VPS35: variants seen among roughly 807,000 people sequenced by gnomAD.
The protein encoded by VPS35 is VPS35 retromer complex component.
In VPS35, 21 loss-of-function variants were observed where a neutral mutation model predicts 98.1. That is an observed-to-expected ratio of 0.21 (90% confidence interval 0.15 to 0.31). The LOEUF is 0.31. VPS35 is among the 10% of genes least tolerant of loss of function. VPS35 has a pLI of 1.00. For synonymous variants in VPS35, 268 were observed against 318.2 expected (o/e 0.84, Z 1.68); for missense variants, 554 against 950.8 (o/e 0.58, Z 5.49).
intron 2 of VPS35, 54 bp downstream of exon 2, chr16:46,683,454 G>A: frequency 2.6e-6 from 4 of 1,519,916 alleles, no homozygotes; most frequent in South Asian, 1.1e-5. Context: ...CACTGCACAT[G>A]CTTCCTTAGG....
intron 12 of VPS35, 137 bp from the exon 13 acceptor site, chr16:46,669,189 C>T: frequency 9.0e-7 from 1 of 1,114,240 alleles, no homozygotes; most frequent in South Asian, 1.3e-5. Flanking sequence ...AGGCAATTTA[C>T]ATATTTCTTA....
chr16:46,688,472 G>C (rs2143009743), intron 1 of VPS35: 10 of 987,248 alleles, frequency 1.0e-5, no homozygotes, highest in South Asian at 4.7e-5. Context: ...CGAGACAAAA[G>C]AGGCAAGGTG....
At chr16:46,660,966 G>A (rs1596708903) in intron 16 of VPS35, 3 of 397,932 alleles carry the variant, frequency 7.5e-6, no homozygotes, top group East Asian at 1.3e-4. Context: ...GGCCAACATG[G>A]TGGAACCCCA....
intron 2 of VPS35, 145 bp from the exon 3 acceptor site, chr16:46,682,320 A>T: frequency 1.5e-6 from 1 of 680,114 alleles, no homozygotes; most frequent in African/African-American, 1.8e-5. Context: ...TTAAAAAAAC[A>T]ACTTAGATCG....
At chr16:46,680,390 T>C (rs1966216355) in intron 5 of VPS35, among the ~76,000 whole-genome samples, 1 of 152,268 alleles carries the variant, frequency 6.6e-6, no homozygotes, top group African/African-American at 2.4e-5. Context: ...AAAAAAGTTT[T>C]ATTTTCAAAG....
rs748396803 is a variant in VPS35, at chr16:46,671,835, G to T, written c.1394C>A (p.Ser465Tyr). Residue 465 changes from serine to tyrosine, a missense_variant, in exon 12 of 17, where the codon TCC (serine) becomes TAC (tyrosine). Physicochemically the swap from Ser to Tyr is moderately radical, Grantham distance 144. Around this residue, in one of 5 missense-constraint regions of VPS35, gnomAD observed 254 missense variants for 390.1 expected, o/e 0.65. Coordinates refer to ENST00000299138, the MANE Select transcript of VPS35 (RefSeq NM_018206.6). Reference sequence around the variant, plus strand: ...ATCTGGCTGATCTTGAATCAACGTGGATACCAAATTCATTATGGAATCCAC... The same window carrying T: ...ATCTGGCTGATCTTGAATCAACGTGTATACCAAATTCATTATGGAATCCAC... ...DQVDSIMNLV[S>Y]TLIQDQPDQP... 1 of 1,612,914 alleles carries T rather than the reference G, an allele frequency of 6.2e-7. No homozygotes were observed.
At chr16:46,669,848 A>G (rs1307022317) in intron 12 of VPS35, among the ~76,000 whole-genome samples, 1 of 152,210 alleles carries the variant, frequency 6.6e-6, no homozygotes. Context: ...CAAGTGACAC[A>G]TGTGAAGGCT....
intron 13 of VPS35, among the ~76,000 whole-genome samples, chr16:46,665,906 C>T (rs1377313514): frequency 6.6e-6 from 1 of 151,970 alleles, no homozygotes; most frequent in Non-Finnish European, 1.5e-5. Context: ...TCCTCCTGCC[C>T]TAGCCTCTTT....
rs1366925138 is a variant in VPS35, at chr16:46,676,853, G to A, written c.805-161C>T. ...TCTCTACTAAACATAAGCTCAGACA[G>A]AAATATTCCAATAAACAAAGTGCAC... On this transcript the variant is annotated intron_variant, in intron 7 of 16. Transcript: ENST00000299138. Among the ~76,000 whole-genome samples, 3 of 152,074 alleles carry A rather than the reference G, an allele frequency of 2.0e-5. No individual in the cohort carries two copies. The East Asian group carries it at 5.8e-4, about 29-fold the overall frequency.
At chr16:46,670,333 G>C (rs1039946511) in intron 12 of VPS35, among the ~76,000 whole-genome samples, 2 of 152,164 alleles carry the variant, frequency 1.3e-5, no homozygotes, top group African/African-American at 4.8e-5. Flanking sequence ...GCCCAGGCTG[G>C]AGTGCAATGG....
rs772459263 is a variant in VPS35, at chr16:46,676,656, G to C, written c.841C>G (p.Pro281Ala). 6.2e-7 allele frequency: 1 copy of C among 1,613,440 alleles called. No individual in the cohort carries two copies. Among genetic ancestry groups the C allele is most frequent in the Non-Finnish European group, 8.5e-7 (1 of 1,179,732 alleles). ...PDEFHLQTLN[P>A]FLRACAELHQ... Reference sequence around the variant, plus strand: ...AACTCAGCACAGGCCCGAAGAAAAGGATTCAAAGTCTGGAGGTGAAATTCA... The same window carrying C: ...AACTCAGCACAGGCCCGAAGAAAAGCATTCAAAGTCTGGAGGTGAAATTCA... Residue 281 changes from proline to alanine, a missense_variant, in exon 8 of 17, where the codon CCT becomes GCT. Transcript: ENST00000299138.
intron 2 of VPS35, chr16:46,682,521 T>A: frequency 3.5e-6 from 1 of 285,532 alleles, no homozygotes. Context: ...TGAAGGAAGA[T>A]ACTATCCTGA....
At chr16:46,677,459 T>G (rs772780863) in intron 6 of VPS35, 61 bp from the exon 7 acceptor site, 87 of 1,383,110 alleles carry the variant, frequency 6.3e-5, no homozygotes, top group Non-Finnish European at 8.8e-5. Flanking sequence ...AAGCTATTCC[T>G]CTAGTAACGC....
chr16:46,670,681 T>A (rs975245124), intron 12 of VPS35, among the ~76,000 whole-genome samples: 1 of 152,158 alleles, frequency 6.6e-6, no homozygotes, highest in Non-Finnish European at 1.5e-5. Context: ...GGCAATCAGT[T>A]AAAATACTTA....
chr16:46,670,257 T>C lies in VPS35; in HGVS notation c.1525-1205A>G, dbSNP rs766849263. ...CCCTATCATTAAAGATCTCCATACA[T>C]GGGAATAACCAATCAGCCACATGCA... On this transcript the variant is annotated intron_variant, in intron 12 of 16. Coordinates refer to ENST00000299138, the MANE Select transcript of VPS35 (RefSeq NM_018206.6). 3.9e-5 allele frequency among the ~76,000 whole-genome samples: 6 copies of C among 152,270 alleles called. No individual in the cohort carries two copies. The South Asian group carries it at 8.3e-4, about 21-fold the overall frequency.
At chr16:46,678,336 C>CA (rs751938421) in intron 6 of VPS35, among the ~76,000 whole-genome samples, 28 of 138,680 alleles carry the variant, frequency 2.0e-4, no homozygotes, top group Non-Finnish European at 4.2e-4. Context: ...AAAAAAAAAG[C>CA]AAAAAATCTC....
Position 46,677,327 on chromosome 16 carries a change from C to T in VPS35, c.792G>A (p.Glu264=). 3.1e-6 allele frequency: 5 copies of T among 1,613,626 alleles called. No homozygotes were observed. The highest frequency in any genetic ancestry group is 4.2e-6 in the Non-Finnish European group (5 of 1,179,618). The change falls in exon 7 of 17, where the codon GAG becomes GAA. Residue 264 remains glutamate, a synonymous_variant. Coordinates refer to ENST00000299138, the MANE Select transcript of VPS35 (RefSeq NM_018206.6). ...RDALAQEYLM[E]CIIQVFPDEF... ...TGTTCCCAGCTACCTGAATAATACACTCCATGAGATATTCTTGAGCCAAAG... is the reference window on the plus strand; with the variant it reads ...TGTTCCCAGCTACCTGAATAATACATTCCATGAGATATTCTTGAGCCAAAG...
At chr16:46,676,526 T>C in intron 8 of VPS35, 57 bp downstream of exon 8, 1 of 1,091,314 alleles carries the variant, frequency 9.2e-7, no homozygotes, top group East Asian at 2.4e-5. Context: ...AAAAAAATGT[T>C]TAAAATTCAT....
In VPS35 at chr16:46,658,500, T is replaced by TTTC. The variant is rs1229308153; in HGVS notation, c.*1971_*1972insGAA. ...TTTTGTTGGTTTATTATTTTTAAAATTGGGTTTACCTCAACCCAGAAAATA... is the reference window on the plus strand; with the variant it reads ...TTTTGTTGGTTTATTATTTTTAAAATTTCTGGGTTTACCTCAACCCAGAAAATA... On this transcript the variant is annotated 3_prime_UTR_variant, in exon 17 of 17. Transcript: ENST00000299138. 1.3e-5 allele frequency: 2 copies of TTTC among 153,768 alleles called. No individual in the cohort carries two copies. Among genetic ancestry groups the TTTC allele is most frequent in the Non-Finnish European group, 2.9e-5 (2 of 68,048 alleles). 9.5% of individuals were successfully genotyped at this position (153,768 alleles called of 1,614,324 possible).
Sources: allele counts gnomAD v4.1 joint callset (sites outside exome capture counted in the v4.1 genomes callset), GRCh38; gene constraint gnomAD v4.1.1; regional missense constraint gnomAD v4.1.1; transcripts MANE v1.5; gene names NCBI Gene and HGNC (gene_info 2026-07-23, HGNC 2026-07-21).